Variants in PNLIP observed in about 807,000 individuals in gnomAD.
PNLIP encodes pancreatic triacylglycerol lipase.
In PNLIP, 49 loss-of-function variants were observed where a neutral mutation model predicts 57.1. The observed-to-expected ratio is 0.86, with a 90% CI of 0.68 to 1.09. The LOEUF (loss-of-function observed/expected upper bound fraction) is 1.09. Among genes scored for constraint, PNLIP ranks in the 50% least tolerant of loss-of-function variants. The pLI, the probability that PNLIP is intolerant of heterozygous loss-of-function variation, is 0.00. For synonymous variants in PNLIP, 209 were observed against 200.4 expected (o/e 1.04, Z -0.36); for missense variants, 503 against 570.2 (o/e 0.88, Z 1.20).
At chr10:116,556,690 C>A (rs1847257454) in intron 9 of PNLIP, among the ~76,000 whole-genome samples, 1 of 149,916 alleles carries the variant, frequency 6.7e-6, no homozygotes, top group Non-Finnish European at 1.5e-5. Context: ...TGGTTGAATT[C>A]TTTATATGTG....
intron 4 of PNLIP, among the ~76,000 whole-genome samples, chr10:116,549,800 C>G (rs1847171165): frequency 6.6e-6 from 1 of 152,154 alleles, no homozygotes; most frequent in African/African-American, 2.4e-5. Context: ...CAATTTATTT[C>G]TAAGATCCCA....
At chr10:116,562,654 C>T (rs1847326187) in intron 12 of PNLIP, among the ~76,000 whole-genome samples, 1 of 152,178 alleles carries the variant, frequency 6.6e-6, no homozygotes, top group African/African-American at 2.4e-5. Context: ...GAATATTCAT[C>T]AAGGTACTGA....
chr10:116,560,478 TC>T lies in PNLIP; in HGVS notation c.1124del (p.Ser375PhefsTer49). The T allele has an allele frequency of 6.2e-7, 1 of 1,608,548 alleles. No homozygotes were observed. The highest frequency in any genetic ancestry group is 8.5e-7 in the Non-Finnish European group (1 of 1,175,814). ...GKKVTGHILV[S>X]LFGNKGNSKQ... ...AAAGGTTACAGGACACATACTAGTT[TC>T]TTTGTTCGGAAATAAAGGAAACTCT... is the stretch of plus-strand genomic sequence containing the variant. On this transcript the variant is annotated frameshift_variant, in exon 11 of 13. Transcript: ENST00000369221. LOFTEE classifies it high-confidence loss of function.
chr10:116,561,358 C>A, intron 11 of PNLIP, 114 bp from the exon 12 acceptor site: 1 of 692,116 alleles, frequency 1.4e-6, no homozygotes, highest in African/African-American at 1.8e-5. Context: ...GTAAGCTGGT[C>A]TTAGAAACAT....
intron 12 of PNLIP, among the ~76,000 whole-genome samples, chr10:116,566,299 G>C (rs1336166931): frequency 6.6e-6 from 1 of 152,144 alleles, no homozygotes; most frequent in African/African-American, 2.4e-5. Flanking sequence ...TGAATGAAAA[G>C]CTAGACAAGA....
chr10:116,548,336 T>C (rs772199914), intron 3 of PNLIP, 24 bp from the exon 4 acceptor site: 6 of 1,612,378 alleles, frequency 3.7e-6, no homozygotes, highest in South Asian at 1.1e-5. Context: ...GAAACTGACA[T>C]GAAACACTTT....
intron 10 of PNLIP, among the ~76,000 whole-genome samples, chr10:116,560,034 ATAAAT>A (rs1223654312): frequency 6.6e-6 from 1 of 152,178 alleles, no homozygotes; most frequent in African/African-American, 2.4e-5. Context: ...ATCTATGAAA[ATAAAT>A]TAAACTGAAA....
chr10:116,550,781 G>C (rs1359877715), intron 4 of PNLIP, among the ~76,000 whole-genome samples: 1 of 152,158 alleles, frequency 6.6e-6, no homozygotes, highest in African/African-American at 2.4e-5. Flanking sequence ...CATTTAGGAT[G>C]ACCTAATGAA....
chr10:116,556,909 A>G (rs1425918020), intron 9 of PNLIP, among the ~76,000 whole-genome samples: 2 of 152,208 alleles, frequency 1.3e-5, no homozygotes, highest in Non-Finnish European at 2.9e-5. Flanking sequence ...TTCACCATTA[A>G]ATAGCTGAAT....
In PNLIP at chr10:116,553,762, C is replaced by G. The variant is rs1183493749; in HGVS notation, c.495C>G (p.Val165=). The change falls in exon 6 of 13, where the codon GTC becomes GTG. Residue 165 remains valine (V), a synonymous_variant. Transcript: ENST00000369221. ...AFGYSPSNVH[V]IGHSLGAHAA... is the part of the protein sequence containing the mutation. Reference sequence around the variant, plus strand: ...GTTACTCACCTTCCAATGTGCATGTCATTGGCCACAGCCTGGGTGCCCACG... The same window carrying G: ...GTTACTCACCTTCCAATGTGCATGTGATTGGCCACAGCCTGGGTGCCCACG... The G allele has an allele frequency of 6.2e-6, 10 of 1,613,026 alleles. No individual in the cohort carries two copies.
intron 12 of PNLIP, among the ~76,000 whole-genome samples, chr10:116,562,487 C>T (rs1197423664): frequency 6.6e-6 from 1 of 152,130 alleles, no homozygotes; most frequent in Non-Finnish European, 1.5e-5. Context: ...GGATGTGTCA[C>T]AGGGAGGAGA....
intron 9 of PNLIP, among the ~76,000 whole-genome samples, chr10:116,557,268 T>G (rs1389185968): frequency 2.0e-5 from 3 of 152,162 alleles, no homozygotes; most frequent in African/African-American, 7.2e-5. Flanking sequence ...AAACTTAGTC[T>G]AATTCAACAA....
chr10:116,559,232 G>T lies in PNLIP; in HGVS notation c.1009G>T (p.Asp337Tyr). ...TGATAGATATCCTGGGAAAACAAATGATGTGGGCCAGAAATTTTATCTAGA... is the reference window on the plus strand; with the variant it reads ...TGATAGATATCCTGGGAAAACAAATTATGTGGGCCAGAAATTTTATCTAGA... Reference protein sequence around the residue: ...YADRYPGKTNDVGQKFYLDTG... With the variant: ...YADRYPGKTNYVGQKFYLDTG... The change falls in exon 10 of 13, where the codon GAT becomes TAT. Residue 337 changes from aspartate to tyrosine, a missense_variant. Physicochemically the swap from Asp to Tyr is radical, Grantham distance 160. Coordinates refer to ENST00000369221, the MANE Select transcript of PNLIP (RefSeq NM_000936.4). 6.2e-7 allele frequency: 1 copy of T among 1,614,110 alleles called. No homozygotes were observed. The highest frequency in any genetic ancestry group is 1.6e-4 in the Middle Eastern group (1 of 6,062).
At chr10:116,557,874 T>C (rs1469503285) in intron 9 of PNLIP, among the ~76,000 whole-genome samples, 1 of 152,126 alleles carries the variant, frequency 6.6e-6, no homozygotes, top group Non-Finnish European at 1.5e-5. Context: ...CAGTAAGCCT[T>C]AGGCTAGCTG....
chr10:116,547,498 G>A (rs772244301), intron 3 of PNLIP, 50 bp downstream of exon 3: 47 of 1,524,282 alleles, frequency 3.1e-5, no homozygotes, highest in Non-Finnish European at 3.9e-5. Context: ...AGGCCGAGGC[G>A]GGCGGTTCAC....
rs772804516 is a variant in PNLIP, at chr10:116,551,101, C to G, written c.328C>G (p.Leu110Val). The change falls in exon 5 of 13, where the codon CTG becomes GTG. Residue 110 changes from leucine (L) to valine (V), a missense_variant. Physicochemically the swap from Leu to Val is conservative, Grantham distance 32. Coordinates refer to ENST00000369221, the MANE Select transcript of PNLIP (RefSeq NM_000936.4). The part of the protein sequence containing the change: ...ENWLANVCKN[L>V]FKVESVNCIC... ...TTTATTGTGCCCCTTCCACCAGAATCTGTTCAAGGTGGAAAGTGTGAACTG... is the reference window on the plus strand; with the variant it reads ...TTTATTGTGCCCCTTCCACCAGAATGTGTTCAAGGTGGAAAGTGTGAACTG... The G allele has an allele frequency of 3.8e-6, 6 of 1,582,636 alleles. No homozygotes were observed. Among genetic ancestry groups the G allele is most frequent in the Non-Finnish European group, 5.2e-6 (6 of 1,163,210 alleles).
chr10:116,563,916 T>G (rs1358222504), intron 12 of PNLIP, among the ~76,000 whole-genome samples: 1 of 152,180 alleles, frequency 6.6e-6, no homozygotes, highest in Non-Finnish European at 1.5e-5. Context: ...ATCAGTGATC[T>G]GTGGGACAAT....
At chr10:116,553,871 T>C (rs1256245097) in intron 6 of PNLIP, 33 bp downstream of exon 6, 5 of 1,364,924 alleles carry the variant, frequency 3.7e-6, no homozygotes, top group Admixed American at 3.5e-5. Flanking sequence ...ACCAGGGGGG[T>C]TGAGGCAAGA....
chr10:116,553,389 G>A (rs149999856), intron 5 of PNLIP, among the ~76,000 whole-genome samples: 7 of 152,332 alleles, frequency 4.6e-5, no homozygotes, highest in Non-Finnish European at 5.9e-5. Flanking sequence ...ACAGGTGTGC[G>A]CCACCAAGGC....
Sources: allele counts gnomAD v4.1 joint callset (sites outside exome capture counted in the v4.1 genomes callset), GRCh38; gene constraint gnomAD v4.1.1; transcripts MANE v1.5; gene names NCBI Gene and HGNC (gene_info 2026-07-23, HGNC 2026-07-21).